The following CEP164 variants were observed in gnomAD, a reference collection of about 807,000 sequenced individuals.
CEP164 encodes the protein centrosomal protein of 164 kDa.
A neutral mutation model predicts 182.7 loss-of-function variants in CEP164; 162 were observed. The observed-to-expected ratio is 0.89, with a 90% CI of 0.78 to 1.01. The LOEUF is 1.01. Ranked by LOEUF, CEP164 falls within the 50% of genes least tolerant of loss-of-function variation. The pLI is 0.00. For synonymous variants in CEP164, 661 were observed against 690.0 expected (o/e 0.96, Z 0.66); for missense variants, 1,735 against 1,790.4 (o/e 0.97, Z 0.56).
chr11:117,347,876 T>TA (rs2039118444), intron 4 of CEP164, among the ~76,000 whole-genome samples: 1 of 152,222 alleles, frequency 6.6e-6, no homozygotes, highest in African/African-American at 2.4e-5. Flanking sequence ...TAAATGTCTC[T>TA]AGGACATATT....
chr11:117,409,633 G>T lies in CEP164; in HGVS notation c.3764G>T (p.Ser1255Ile), dbSNP rs147414766. The T allele has an allele frequency of 3.0e-4, 489 of 1,608,388 alleles. No individual in the cohort carries two copies. The highest frequency in any genetic ancestry group is 4.0e-4 in the Non-Finnish European group (466 of 1,175,446). Residue 1255 changes from serine (S) to isoleucine (I), a missense_variant, in exon 30 of 33, where the codon AGT becomes ATT. By Grantham distance (142) the Ser-to-Ile change is moderately radical (BLOSUM62 -2). Coordinates refer to ENST00000278935, the MANE Select transcript of CEP164 (RefSeq NM_014956.5). This position sits in a 1 kb window ranked among gnomAD's most constrained non-coding sequence, Gnocchi z 4.4. ...WRQQRIDSTP[S>I]LTSRKIHGLS... ...TTTCTTTCAGTCGACTCAACCCCGA[G>T]TCTCACCTCCCGCAAGATCCACGGG...
In CEP164 at chr11:117,413,252, T is replaced by TC. The variant is rs1007570818; in HGVS notation, c.*1084_*1085insC. 1 of 134,980 alleles carries TC rather than the reference T, an allele frequency of 7.4e-6. No individual in the cohort carries two copies. The highest frequency in any genetic ancestry group is 2.8e-5 in the African/African-American group (1 of 35,524). 8.4% of individuals were successfully genotyped at this position (134,980 alleles called of 1,614,324 possible). A position where few individuals can be genotyped will look rare whatever the true frequency, so the allele number is the denominator to read the frequency against. On this transcript the variant is annotated 3_prime_UTR_variant, in exon 33 of 33. Transcript: ENST00000278935. ...TTTAAATAAAATGCACTTATTTTTG[T>TC]TTTTTTTTTTGCAAGCTGTGGGGTT...
chr11:117,359,935 C>T (rs966947329), intron 5 of CEP164, among the ~76,000 whole-genome samples: 5 of 152,070 alleles, frequency 3.3e-5, no homozygotes, highest in Non-Finnish European at 5.9e-5. Context: ...CTGTGAGTAG[C>T]GGGAGGTCTC....
chr11:117,363,450 C>T lies in CEP164; in HGVS notation c.709C>T (p.Pro237Ser). ...DNQSVHSSSEPLRNLHLDIGA... is the reference protein window; with the variant it reads ...DNQSVHSSSESLRNLHLDIGA... ...CTAGAGTGTCCACAGCTCAAGTGAG[C>T]CTCTTAGGAACCTACACCTGGACAT... The change falls in exon 8 of 33, where the codon CCT becomes TCT. Residue 237 changes from proline (P) to serine (S), a missense_variant. By Grantham distance (74) the Pro-to-Ser change is moderately conservative. Coordinates refer to ENST00000278935, the MANE Select transcript of CEP164 (RefSeq NM_014956.5). 1 of 1,613,796 alleles carries T rather than the reference C, an allele frequency of 6.2e-7. No individual in the cohort carries two copies. Among genetic ancestry groups the T allele is most frequent in the African/African-American group, 1.3e-5 (1 of 75,024 alleles).
At chr11:117,323,346 A>AT (rs2035322594), upstream of CEP164, among the ~76,000 whole-genome samples, 1 of 150,582 alleles carries the variant, frequency 6.6e-6, no homozygotes, top group South Asian at 2.1e-4. Flanking sequence ...ATCATGCGGT[A>AT]TTTGTCTTTC....
chr11:117,327,915 G>A lies in CEP164; in HGVS notation c.-98+11G>A, dbSNP rs2035565615. The A allele has an allele frequency of 6.6e-6, 1 of 152,434 alleles. No individual in the cohort carries two copies. Among genetic ancestry groups the A allele is most frequent in the African/African-American group, 2.4e-5 (1 of 41,444 alleles). The allele number at this position is 152,434 out of a possible 1,614,324, so 9.4% of individuals were successfully genotyped here. A position where few individuals can be genotyped will look rare whatever the true frequency, so the allele number is the denominator to read the frequency against. ...AAGCTGGGGGAGCGGGTGGGTGTTG[G>A]GTGGCGTTGGGGGAGCTGCGCCTCG... On this transcript the variant is annotated intron_variant, in intron 1 of 32. Coordinates refer to ENST00000278935, the MANE Select transcript of CEP164 (RefSeq NM_014956.5).
intron 11 of CEP164, among the ~76,000 whole-genome samples, chr11:117,380,068 A>C (rs906792547): frequency 2.0e-5 from 3 of 151,956 alleles, no homozygotes; most frequent in Non-Finnish European, 4.4e-5. Context: ...TCCAGGTGCC[A>C]GGTGGTGCCC....
chr11:117,351,713 T>C (rs2039651224), intron 4 of CEP164, 77 bp from the exon 5 acceptor site: 2 of 1,393,864 alleles, frequency 1.4e-6, no homozygotes, highest in East Asian at 2.3e-5. Context: ...CTCTCCCTTT[T>C]TCTTTTTTTC....
chr11:117,408,153 C>T, intron 28 of CEP164, 121 bp downstream of exon 28: 1 of 647,160 alleles, frequency 1.5e-6, no homozygotes, highest in Non-Finnish European at 2.6e-6. Context: ...CAGGATTGGG[C>T]AGTAGGCTTG....
At position 117,337,983 on chromosome 11, in the gene CEP164, C is replaced by T. The variant is rs143858184; in HGVS notation, c.-21-583C>T. On this transcript the variant is annotated intron_variant, in intron 2 of 32. Coordinates refer to ENST00000278935, the MANE Select transcript of CEP164 (RefSeq NM_014956.5). ...CTTTCTCCCCCATCAGAATTCTTGC[C>T]AGCCTTCCTTCCTTCCTTCCTTTTT... Among the ~76,000 whole-genome samples the T allele has an allele frequency of 9.2e-5, 14 of 152,210 alleles. No homozygotes were observed. In the East Asian group the frequency reaches 2.3e-3, roughly 25 times the overall value.
At chr11:117,342,607 C>G (rs898148333) in intron 3 of CEP164, among the ~76,000 whole-genome samples, 1 of 152,042 alleles carries the variant, frequency 6.6e-6, no homozygotes, top group Non-Finnish European at 1.5e-5. Flanking sequence ...TCCTAAGTGG[C>G]TGGGACTATA....
At chr11:117,391,626 G>A (rs1325038307) in intron 17 of CEP164, among the ~76,000 whole-genome samples, 1 of 152,158 alleles carries the variant, frequency 6.6e-6, no homozygotes, top group East Asian at 1.9e-4. Context: ...CTGTCTCTGA[G>A]GGACAGCTGC....
Position 117,409,655 on chromosome 11 carries a change from C to T in CEP164, c.3786C>T (p.His1262=), listed in dbSNP as rs373372717. 4.9e-5 allele frequency: 79 copies of T among 1,612,032 alleles called. No homozygotes were observed. The highest frequency in any genetic ancestry group is 4.5e-4 in the South Asian group (41 of 91,030). ...STPSLTSRKI[H]GLSHSLRQIS... is the part of the protein sequence containing the mutation. ...CGAGTCTCACCTCCCGCAAGATCCA[C>T]GGGCTTAGCCACTCCCTCCGGCAGA... Residue 1262 remains histidine, a synonymous_variant, in exon 30 of 33, where the codon CAC becomes CAT. Transcript: ENST00000278935. The surrounding 1 kb of genome is among the most constrained non-coding windows in gnomAD (Gnocchi z 4.4).
Position 117,394,370 on chromosome 11 carries a change from G to A in CEP164, c.2637G>A (p.Glu879=). ...YEAEERKQRA[E]LLGHLTGELE... is the part of the protein sequence containing the mutation. Reference sequence around the variant, plus strand: ...TGCAGGAGAGGAAGCAGCGGGCTGAGCTTCTGGGGCACCTGACCGGAGAGC... The same window carrying A: ...TGCAGGAGAGGAAGCAGCGGGCTGAACTTCTGGGGCACCTGACCGGAGAGC... The change falls in exon 21 of 33, where the codon GAG becomes GAA. Residue 879 remains glutamate, a synonymous_variant. Transcript: ENST00000278935. The surrounding 1 kb of genome is among the most constrained non-coding windows in gnomAD (Gnocchi z 4.0). 3 of 1,606,394 alleles carry A rather than the reference G, an allele frequency of 1.9e-6. No individual in the cohort carries two copies. The highest frequency in any genetic ancestry group is 2.5e-6 in the Non-Finnish European group (3 of 1,176,842).
Position 117,412,369 on chromosome 11 carries a change from T to C in CEP164, c.*201T>C. ...ATAACCTATCTCAGGCTAAAATGTGTGGACTCGTACGAGCTCTTGTCATTG... is the reference window on the plus strand; with the variant it reads ...ATAACCTATCTCAGGCTAAAATGTGCGGACTCGTACGAGCTCTTGTCATTG... On this transcript the variant is annotated 3_prime_UTR_variant, in exon 33 of 33. Transcript: ENST00000278935. 1 of 512,410 alleles carries C rather than the reference T, an allele frequency of 2.0e-6. No homozygotes were observed. Among genetic ancestry groups the C allele is most frequent in the Non-Finnish European group, 3.5e-6 (1 of 288,564 alleles). 31.7% of individuals were successfully genotyped at this position (512,410 alleles called of 1,614,324 possible).
chr11:117,323,092 G>A (rs185896828), upstream of CEP164, among the ~76,000 whole-genome samples: 39 of 152,044 alleles, frequency 2.6e-4, no homozygotes, highest in Admixed American at 2.4e-3. Context: ...GTAGAGACGG[G>A]GTTTCTCCAC....
intron 8 of CEP164, among the ~76,000 whole-genome samples, chr11:117,364,499 G>A (rs2041391784): frequency 6.6e-6 from 1 of 151,880 alleles, no homozygotes; most frequent in Non-Finnish European, 1.5e-5. Context: ...TGTGCTGGCT[G>A]ATAGCCCCTG....
Position 117,392,227 on chromosome 11 carries a change from C to G in CEP164, c.2285C>G (p.Ala762Gly). The part of the protein sequence containing the change: ...REQLEGERKE[A>G]VATLEKEHSA... ...CACAGTCCCTTTGCTCCTCCCCAGG[C>G]TGTGGCAACGCTGGAGAAGGAGCAC... is the stretch of plus-strand genomic sequence containing the variant. The change falls in exon 18 of 33, where the codon GCT becomes GGT. Residue 762 changes from alanine to glycine, a missense_variant and splice_region_variant. By Grantham distance (60) the Ala-to-Gly change is moderately conservative (BLOSUM62 0). Transcript: ENST00000278935. 1 of 1,600,422 alleles carries G rather than the reference C, an allele frequency of 6.2e-7. No individual in the cohort carries two copies. The highest frequency in any genetic ancestry group is 8.5e-7 in the Non-Finnish European group (1 of 1,172,112).
chr11:117,411,973 C>T lies in CEP164; in HGVS notation c.4286+56C>T, dbSNP rs750853076. 5.0e-6 allele frequency: 8 copies of T among 1,611,524 alleles called. No individual in the cohort carries two copies. Among genetic ancestry groups the T allele is most frequent in the African/African-American group, 1.3e-5 (1 of 75,030 alleles). On this transcript the variant is annotated intron_variant, in intron 32 of 32. Transcript: ENST00000278935. This position sits in a 1 kb window ranked among gnomAD's most constrained non-coding sequence, Gnocchi z 4.4. ...TGGGCTGTGGGGACTGTGCTTGTGC[C>T]CTGAGGGGCTGAGGAGGATCCTGTT...
Sources: allele counts gnomAD v4.1 joint callset (sites outside exome capture counted in the v4.1 genomes callset), GRCh38; gene constraint gnomAD v4.1.1; non-coding constraint Gnocchi (gnomAD v3.1); transcripts MANE v1.5; gene names NCBI Gene and HGNC (gene_info 2026-07-23, HGNC 2026-07-21).